TECTA: variants seen among roughly 807,000 people sequenced by gnomAD.
TECTA encodes tectorin alpha.
TECTA carries 128 observed loss-of-function variants against 216.8 expected under a neutral mutation model. The observed-to-expected ratio is 0.59, with a 90% CI of 0.51 to 0.68. The LOEUF is 0.68. TECTA is among the 30% of genes least tolerant of loss of function. The pLI, the probability that TECTA is intolerant of heterozygous loss-of-function variation, is 0.00. For missense variants in TECTA, 2,551 were observed against 2,786.2 expected, an observed-to-expected ratio of 0.92 and a Z score of 1.90; for synonymous variants, 1,089 against 1,117.1, an observed-to-expected ratio of 0.97 and a Z score of 0.50.
chr11:121,183,146 C>T (rs1947247236), intron 20 of TECTA, among the ~76,000 whole-genome samples: 1 of 152,110 alleles, frequency 6.6e-6, no homozygotes, highest in Non-Finnish European at 1.5e-5. Flanking sequence ...ACCACTGAGT[C>T]CAGCCAGTGT....
intron 20 of TECTA, among the ~76,000 whole-genome samples, chr11:121,175,584 C>T (rs1947157726): frequency 6.6e-6 from 1 of 152,154 alleles, no homozygotes. Flanking sequence ...TGTTCTTTTA[C>T]ATTTGCTGAG....
intron 4 of TECTA, among the ~76,000 whole-genome samples, chr11:121,111,756 C>A (rs1309724875): frequency 6.6e-6 from 1 of 152,210 alleles, no homozygotes; most frequent in Non-Finnish European, 1.5e-5. Flanking sequence ...GACCTTACAG[C>A]AATCTTGAGC....
intron 10 of TECTA, among the ~76,000 whole-genome samples, chr11:121,134,679 C>T (rs1339340288): frequency 6.6e-6 from 1 of 152,108 alleles, no homozygotes; most frequent in East Asian, 1.9e-4. Flanking sequence ...AGTTGTATTT[C>T]ATTCATGCTA....
rs746640989 is a variant in TECTA at position 121,105,887 on chromosome 11, G to C, written c.121G>C (p.Val41Leu). ...GCAGAATGACACCAAAACCCCTAAA[G>C]TAGATGATGGAAGCTCATCTGAGAT... ...FWQNDTKTPK[V>L]DDGSSSEIKL... Residue 41 changes from valine to leucine, a missense_variant, in exon 3 of 24, where the codon GTA (valine) becomes CTA (leucine). By Grantham distance (32) the Val-to-Leu change is conservative. Transcript: ENST00000392793. The surrounding 1 kb of genome is among the most constrained non-coding windows in gnomAD (Gnocchi z 5.3). The C allele has an allele frequency of 5.6e-6, 9 of 1,614,202 alleles. No individual in the cohort carries two copies. Among genetic ancestry groups the C allele is most frequent in the Non-Finnish European group, 7.6e-6 (9 of 1,180,030 alleles).
rs1417524314 is a variant in TECTA, at chr11:121,129,773, A to G, written c.2503A>G (p.Ile835Val). 1 of 1,614,130 alleles carries G rather than the reference A, an allele frequency of 6.2e-7. No individual in the cohort carries two copies. Among genetic ancestry groups the G allele is most frequent in the African/African-American group, 1.3e-5 (1 of 74,940 alleles). ...GTACTCAGACATAGGTCTATTGTACATCCGGCTGTCCACCACATACTTCAA... is the reference window on the plus strand; with the variant it reads ...GTACTCAGACATAGGTCTATTGTACGTCCGGCTGTCCACCACATACTTCAA... ...VQYSDIGLLY[I>V]RLSTTYFNCT... Residue 835 changes from isoleucine (I) to valine (V), a missense_variant, in exon 10 of 24, where the codon ATC (isoleucine) becomes GTC (valine). By Grantham distance (29) the Ile-to-Val change is conservative. Coordinates refer to ENST00000392793, the MANE Select transcript of TECTA (RefSeq NM_005422.4).
rs779196956 is a variant in TECTA, at chr11:121,190,806, A to G, written c.6468A>G (p.Ter2156=). 5 of 1,607,240 alleles carry G rather than the reference A, an allele frequency of 3.1e-6. No homozygotes were observed. In the East Asian group the frequency reaches 1.1e-4, roughly 36 times the overall value. ...TCTATAAATCAGGCACGACCTCATA[A>G]TTAACTCAAGGTTGCTATATAAAGT... ...HFVYKSGTTS[*] The change falls in exon 24 of 24, where the codon TAA becomes TAG. Residue 2156 remains the stop codon, a stop_retained_variant. Coordinates refer to ENST00000392793, the MANE Select transcript of TECTA (RefSeq NM_005422.4).
rs11607156 is a variant in TECTA at position 121,136,376 on chromosome 11, C to T, written c.2942-1045C>T. On this transcript the variant is annotated intron_variant, in intron 10 of 23. Transcript: ENST00000392793. ...GGGGGGCTGTCCAGGAAGGGGAAAG[C>T]GCATGAGCAAAGGGGCTGCGGGGTG... 7.7e-3 allele frequency among the ~76,000 whole-genome samples: 1,174 copies of T among 152,020 alleles called. 17 individuals carry two copies. The highest frequency in any genetic ancestry group is 0.027 in the African/African-American group (1,117 of 41,436).
In TECTA at chr11:121,128,350, G is replaced by A. The variant is rs555970010; in HGVS notation, c.2367+6G>A. 3.1e-6 allele frequency: 5 copies of A among 1,598,902 alleles called. No homozygotes were observed. Among genetic ancestry groups the A allele is most frequent in the Non-Finnish European group, 4.2e-6 (5 of 1,179,734 alleles). Reference sequence around the variant, plus strand: ...TCGGGGCTTCGGAAGTCAAGGTAAGGCTCCTTGCTCCTTTGGAGGGGTTCC... The same window carrying A: ...TCGGGGCTTCGGAAGTCAAGGTAAGACTCCTTGCTCCTTTGGAGGGGTTCC... On this transcript the variant is annotated splice_donor_region_variant and intron_variant, in intron 9 of 23. Coordinates refer to ENST00000392793, the MANE Select transcript of TECTA (RefSeq NM_005422.4).
chr11:121,178,313 C>G lies in TECTA; in HGVS notation c.5999+9388C>G, dbSNP rs941426380. Among the ~76,000 whole-genome samples the G allele has an allele frequency of 4.6e-5, 7 of 152,326 alleles. No individual in the cohort carries two copies. In the Middle Eastern group the frequency reaches 0.017, roughly 370 times the overall value. On this transcript the variant is annotated intron_variant, in intron 20 of 23. Transcript: ENST00000392793. Reference sequence around the variant, plus strand: ...GTAGACTGGAGCTGTTCCTATTCAGCCATCTTGGCTCCCAACCGTTCTATT... The same window carrying G: ...GTAGACTGGAGCTGTTCCTATTCAGGCATCTTGGCTCCCAACCGTTCTATT...
At chr11:121,116,398 C>A (rs1328054586) in intron 6 of TECTA, among the ~76,000 whole-genome samples, 1 of 152,186 alleles carries the variant, frequency 6.6e-6, no homozygotes, top group Non-Finnish European at 1.5e-5. Context: ...TATGGCCATA[C>A]AACATGAGTG....
chr11:121,148,444 G>T (rs1946860649), intron 12 of TECTA, among the ~76,000 whole-genome samples: 1 of 152,100 alleles, frequency 6.6e-6, no homozygotes, highest in East Asian at 1.9e-4. Context: ...GGTCAGGCTG[G>T]GGGAGAGGGT....
intron 12 of TECTA, among the ~76,000 whole-genome samples, chr11:121,147,675 G>C (rs1177432162): frequency 6.6e-6 from 1 of 152,168 alleles, no homozygotes; most frequent in Non-Finnish European, 1.5e-5. Flanking sequence ...GGACGCAAAG[G>C]CCTAAACGTG....
intron 3 of TECTA, among the ~76,000 whole-genome samples, chr11:121,108,319 A>AC (rs1946409049): frequency 6.7e-6 from 1 of 150,216 alleles, no homozygotes; most frequent in African/African-American, 2.5e-5. Context: ...GTACACACAC[A>AC]TCACACCTCA....
intron 14 of TECTA, 53 bp from the exon 15 acceptor site, chr11:121,160,082 T>A: frequency 6.2e-7 from 1 of 1,613,036 alleles, no homozygotes; most frequent in East Asian, 2.2e-5. Flanking sequence ...CCTGAACAAG[T>A]TTGCCAACAC....
intron 20 of TECTA, among the ~76,000 whole-genome samples, chr11:121,176,862 C>G (rs1947172688): frequency 6.6e-6 from 1 of 152,128 alleles, no homozygotes; most frequent in Non-Finnish European, 1.5e-5. Context: ...TTCTTGGAGG[C>G]TTTGTTCATT....
chr11:121,174,620 A>G (rs1416334484), intron 20 of TECTA, among the ~76,000 whole-genome samples: 1 of 152,154 alleles, frequency 6.6e-6, no homozygotes, highest in East Asian at 1.9e-4. Flanking sequence ...TTTTTGCATC[A>G]ATGTTCTTCA....
In TECTA at chr11:121,129,876, A is replaced by G; in HGVS notation, c.2606A>G (p.Asp869Gly). ...EFCLPNGKCT[D>G]NLAVFLESWT... ...TGTCTCCCCAACGGCAAGTGCACGG[A>G]CAACCTGGCAGTGTTCCTGGAAAGC... Residue 869 changes from aspartate (D) to glycine (G), a missense_variant, in exon 10 of 24, where the codon GAC (aspartate) becomes GGC (glycine). Asp to Gly is a moderately conservative substitution (Grantham distance 94). Coordinates refer to ENST00000392793, the MANE Select transcript of TECTA (RefSeq NM_005422.4). 1 of 1,614,244 alleles carries G rather than the reference A, an allele frequency of 6.2e-7. No homozygotes were observed. The highest frequency in any genetic ancestry group is 8.5e-7 in the Non-Finnish European group (1 of 1,180,046).
chr11:121,175,480 G>C (rs1947156613), intron 20 of TECTA, among the ~76,000 whole-genome samples: 1 of 152,172 alleles, frequency 6.6e-6, no homozygotes, highest in African/African-American at 2.4e-5. Context: ...AGGTTGTTCA[G>C]TTTCCATGTA....
chr11:121,160,479 TGG>T, intron 15 of TECTA, 58 bp downstream of exon 15: 1 of 1,594,366 alleles, frequency 6.3e-7, no homozygotes, highest in Non-Finnish European at 8.5e-7. Flanking sequence ...CTCACGTCCA[TGG>T]GTGGTGTGAA....
Sources: gnomAD v4.1 joint callset for allele counts (sites outside exome capture counted in the v4.1 genomes callset) on GRCh38, gnomAD v4.1.1 for gene constraint, Gnocchi (gnomAD v3.1) non-coding constraint, MANE v1.5 for transcripts, NCBI Gene and HGNC (gene_info 2026-07-23, HGNC 2026-07-21) for gene names.